The following SHOC1 variants were observed in gnomAD, a reference collection of about 807,000 sequenced individuals.
SHOC1 encodes the protein shortage in chiasmata 1.
SHOC1 carries 136 observed loss-of-function variants against 179.2 expected under a neutral mutation model. That is an observed-to-expected ratio of 0.76 (90% confidence interval 0.66 to 0.87). The LOEUF (loss-of-function observed/expected upper bound fraction) is 0.87, where lower values mean the gene tolerates loss of function less well. Among genes scored for constraint, SHOC1 ranks in the 40% least tolerant of loss-of-function variants. SHOC1 has a pLI of 0.00. For missense variants in SHOC1, 1,538 were observed against 1,700.8 expected (o/e 0.90, Z 1.68); for synonymous variants, 489 against 586.6 (o/e 0.83, Z 2.41).
At chr9:111,784,174 G>A (rs1836180545) in intron 3 of SHOC1, among the ~76,000 whole-genome samples, 1 of 152,180 alleles carries the variant, frequency 6.6e-6, no homozygotes, top group Admixed American at 6.5e-5. Flanking sequence ...CAAGATTAAT[G>A]TAACCAATTG....
chr9:111,751,515 T>C (rs1196994042), intron 8 of SHOC1, among the ~76,000 whole-genome samples: 1 of 152,184 alleles, frequency 6.6e-6, no homozygotes, highest in Non-Finnish European at 1.5e-5. Context: ...TGTATTTCAA[T>C]ATTTTTTCTA....
chr9:111,701,979 G>C, intron 23 of SHOC1, 126 bp downstream of exon 23: 1 of 636,440 alleles, frequency 1.6e-6, no homozygotes, highest in South Asian at 2.9e-5. Context: ...CCTCCAGCTT[G>C]AAAATCCTTG....
intron 20 of SHOC1, among the ~76,000 whole-genome samples, chr9:111,705,683 G>C (rs1021199500): frequency 2.6e-5 from 4 of 151,802 alleles, no homozygotes; most frequent in Non-Finnish European, 4.4e-5. Flanking sequence ...AGAAAAAATA[G>C]GGTCATTCTC....
intron 3 of SHOC1, among the ~76,000 whole-genome samples, chr9:111,782,297 T>C (rs1477120741): frequency 1.3e-5 from 2 of 152,192 alleles, no homozygotes; most frequent in Non-Finnish European, 2.9e-5. Context: ...GGACTGCTAC[T>C]TATTATCTAT....
chr9:111,749,372 TCAAA>T (rs1328495903), intron 8 of SHOC1, among the ~76,000 whole-genome samples: 8 of 152,204 alleles, frequency 5.3e-5, no homozygotes, highest in Non-Finnish European at 1.0e-4. Flanking sequence ...TTATATTTAC[TCAAA>T]CAAAGGTGAT....
At chr9:111,762,087 AT>A (rs1053579304) in intron 5 of SHOC1, among the ~76,000 whole-genome samples, 2 of 152,172 alleles carry the variant, frequency 1.3e-5, no homozygotes, top group African/African-American at 4.8e-5. Context: ...GTGGTCTCAA[AT>A]TTGGAAATGT....
At chr9:111,783,597 G>C (rs1200706188) in intron 3 of SHOC1, 1 of 152,074 alleles carries the variant, frequency 6.6e-6, no homozygotes, top group African/African-American at 2.4e-5. Context: ...TCTGTCCTAG[G>C]TCTTCTAATC....
intron 5 of SHOC1, among the ~76,000 whole-genome samples, chr9:111,768,688 A>G (rs1835450291): frequency 6.6e-6 from 1 of 152,198 alleles, no homozygotes; most frequent in South Asian, 2.1e-4. Flanking sequence ...TCTAGCTATA[A>G]CATCATGTTA....
intron 3 of SHOC1, among the ~76,000 whole-genome samples, chr9:111,782,857 T>C (rs1836123301): frequency 6.6e-6 from 1 of 152,300 alleles, no homozygotes; most frequent in South Asian, 2.1e-4. Context: ...TACCTTCACA[T>C]AGAAAACTGA....
chr9:111,781,549 C>G (rs1175404954), intron 3 of SHOC1, among the ~76,000 whole-genome samples: 2 of 152,014 alleles, frequency 1.3e-5, no homozygotes, highest in East Asian at 3.9e-4. Flanking sequence ...ATGGCAAAAC[C>G]CCATCTCTAC....
rs554027217 is a variant in SHOC1, at chr9:111,789,953, T to C, written c.45+1421A>G. On this transcript the variant is annotated intron_variant, in intron 2 of 27. Transcript: ENST00000682961. ...TGTAAAATGTAGCACAGTTTTATTA[T>C]ACTGGAGTAATTTTTTTCCTTGGTA... is the stretch of plus-strand genomic sequence containing the variant. Among the ~76,000 whole-genome samples, 3 of 152,326 alleles carry C rather than the reference T, an allele frequency of 2.0e-5. No individual in the cohort carries two copies. In the East Asian group the frequency reaches 5.8e-4, roughly 29 times the overall value.
chr9:111,751,109 C>A (rs1255582505), intron 8 of SHOC1, among the ~76,000 whole-genome samples: 1 of 152,126 alleles, frequency 6.6e-6, no homozygotes, highest in Non-Finnish European at 1.5e-5. Flanking sequence ...GGAGTCCTTA[C>A]CCCATTGCTT....
In SHOC1 at chr9:111,791,380, T is replaced by G; in HGVS notation, c.39A>C (p.Leu13Phe). Residue 13 changes from leucine to phenylalanine, a missense_variant, in exon 2 of 28, where the codon TTA becomes TTC. Coordinates refer to ENST00000682961, the MANE Select transcript of SHOC1 (RefSeq NM_001378211.1). ...SALKYHAIDY[L>F]YENVVRKKFY... ...TAAGCCACTAACACTCTACCTCATA[T>G]AAATAGTCTATTGCATGATATTTCA... 1 of 1,471,780 alleles carries G rather than the reference T, an allele frequency of 6.8e-7. No homozygotes were observed. Among genetic ancestry groups the G allele is most frequent in the Non-Finnish European group, 9.0e-7 (1 of 1,105,870 alleles). The allele number at this position is 1,471,780 out of a possible 1,614,324, so 91.2% of individuals were successfully genotyped here. A position where few individuals can be genotyped will look rare whatever the true frequency, so the allele number is the denominator to read the frequency against.
Position 111,727,717 on chromosome 9 carries a change from G to T in SHOC1, c.1750C>A (p.Leu584Ile), listed in dbSNP as rs1258657773. ...HGKKQENDLDLLSDFIMLRNK... is the reference protein window; with the variant it reads ...HGKKQENDLDILSDFIMLRNK... ...CGCAGCATAATAAAGTCGCTCAAAA[G>T]GTCCAAATCATTCTCTTGTTTTTTG... Residue 584 changes from leucine to isoleucine, a missense_variant, in exon 13 of 28, where the codon CTT becomes ATT. Leu to Ile is a conservative substitution (Grantham distance 5, BLOSUM62 2). Coordinates refer to ENST00000682961, the MANE Select transcript of SHOC1 (RefSeq NM_001378211.1). The T allele has an allele frequency of 6.2e-6, 10 of 1,612,594 alleles. No individual in the cohort carries two copies. Among genetic ancestry groups the T allele is most frequent in the South Asian group, 1.1e-5 (1 of 90,644 alleles).
At chr9:111,746,187 G>A (rs750486732) in intron 10 of SHOC1, 47 bp downstream of exon 10, 4 of 1,265,574 alleles carry the variant, frequency 3.2e-6, no homozygotes, top group Non-Finnish European at 1.1e-6. Flanking sequence ...AATAAAGACT[G>A]CTTGTTCTGA....
chr9:111,691,871 T>G lies in SHOC1; in HGVS notation c.4106A>C (p.Asn1369Thr). The G allele has an allele frequency of 6.2e-7, 1 of 1,613,872 alleles. No individual in the cohort carries two copies. The highest frequency in any genetic ancestry group is 8.5e-7 in the Non-Finnish European group (1 of 1,179,944). The stretch of plus-strand genomic sequence containing the variant: ...ACCATATTGTAAGTTGAACGGGTGA[T>G]TCTCTTGTTCCCATATATTTTTCTT... ...NFKKNIWEQENHPFNLQYGAQ... is the reference protein window; with the variant it reads ...NFKKNIWEQETHPFNLQYGAQ... The change falls in exon 27 of 28, where the codon AAT (asparagine) becomes ACT (threonine). Residue 1369 changes from asparagine to threonine, a missense_variant. Asn to Thr is a moderately conservative substitution (Grantham distance 65, BLOSUM62 0). Transcript: ENST00000682961.
At chr9:111,758,333 C>T (rs10981055) in intron 6 of SHOC1, 138 bp from the exon 7 acceptor site, 113,113 of 580,158 alleles carry the variant, frequency 0.19, 11,968 homozygotes, top group Non-Finnish European at 0.22. Flanking sequence ...CAGTGGCTCA[C>T]GCCTGTAATC....
intron 5 of SHOC1, among the ~76,000 whole-genome samples, chr9:111,767,754 T>A (rs956426322): frequency 1.3e-5 from 2 of 152,228 alleles, no homozygotes; most frequent in East Asian, 3.8e-4. Flanking sequence ...AGGGATTGCA[T>A]TGAATCTGTA....
At chr9:111,709,635 T>C (rs1474420656) in intron 18 of SHOC1, among the ~76,000 whole-genome samples, 3 of 152,214 alleles carry the variant, frequency 2.0e-5, no homozygotes, top group Non-Finnish European at 2.9e-5. Flanking sequence ...ATTGATTACA[T>C]AATCCTGAAT....
Sources: gnomAD v4.1 joint callset for allele counts (sites outside exome capture counted in the v4.1 genomes callset) on GRCh38, gnomAD v4.1.1 for gene constraint, MANE v1.5 for transcripts, NCBI Gene and HGNC (gene_info 2026-07-23, HGNC 2026-07-21) for gene names.